The following ADAMTSL3 variants were observed in gnomAD, a reference collection of about 807,000 sequenced individuals.
ADAMTSL3 encodes ADAMTS-like protein 3.
A neutral mutation model predicts 201.7 loss-of-function variants in ADAMTSL3; 128 were observed. The ratio of observed to expected loss-of-function variants is 0.63; its 90% CI spans 0.55 to 0.73. The LOEUF (loss-of-function observed/expected upper bound fraction) is 0.73, where lower values mean the gene tolerates loss of function less well. Ranked by LOEUF, ADAMTSL3 falls within the 30% of genes least tolerant of loss-of-function variation. The probability of loss-of-function intolerance (pLI) is 0.00; values close to 1 mark genes in which losing one functional copy is unlikely to be tolerated. For synonymous variants in ADAMTSL3, 738 were observed against 748.4 expected (o/e 0.99, Z 0.23); for missense variants, 1,990 against 2,119.6 (o/e 0.94, Z 1.20).
chr15:83,876,294 A>G (rs1376344293), intron 9 of ADAMTSL3, among the ~76,000 whole-genome samples: 1 of 152,068 alleles, frequency 6.6e-6, no homozygotes, highest in South Asian at 2.1e-4. Flanking sequence ...TCTAACAACT[A>G]CATTTTTGTT....
At chr15:83,696,572 C>A (rs1308131097) in intron 2 of ADAMTSL3, among the ~76,000 whole-genome samples, 1 of 152,226 alleles carries the variant, frequency 6.6e-6, no homozygotes, top group Non-Finnish European at 1.5e-5. Flanking sequence ...CATCTAGCAT[C>A]TTACCTTCTT....
At chr15:84,033,502 A>G (rs2068445174) in intron 28 of ADAMTSL3, among the ~76,000 whole-genome samples, 1 of 152,116 alleles carries the variant, frequency 6.6e-6, no homozygotes, top group Non-Finnish European at 1.5e-5. Context: ...TCTACTAAAA[A>G]TACAAAATTA....
intron 3 of ADAMTSL3, among the ~76,000 whole-genome samples, chr15:83,771,795 G>A (rs2062988045): frequency 6.6e-6 from 1 of 152,114 alleles, no homozygotes; most frequent in African/African-American, 2.4e-5. Context: ...CCAAGAAGTT[G>A]GATTGCTGGA....
intron 4 of ADAMTSL3, among the ~76,000 whole-genome samples, chr15:83,795,652 G>A (rs996916676): frequency 5.3e-5 from 8 of 152,050 alleles, no homozygotes; most frequent in African/African-American, 1.9e-4. Context: ...TTGGAACAGT[G>A]GACCTGTTCT....
At chr15:83,808,906 CG>C (rs2063646652) in intron 5 of ADAMTSL3, among the ~76,000 whole-genome samples, 1 of 135,664 alleles carries the variant, frequency 7.4e-6, no homozygotes, top group South Asian at 2.7e-4. Context: ...CTCATTCATA[CG>C]TGGAATCCAA....
At chr15:83,891,803 A>G (rs2141890248) in intron 12 of ADAMTSL3, among the ~76,000 whole-genome samples, 1 of 152,342 alleles carries the variant, frequency 6.6e-6, no homozygotes, top group South Asian at 2.1e-4. Flanking sequence ...TAATTGATTT[A>G]ATTTTCACAA....
chr15:83,830,593 G>A (rs1229171685), intron 6 of ADAMTSL3, among the ~76,000 whole-genome samples: 1 of 152,220 alleles, frequency 6.6e-6, no homozygotes, highest in East Asian at 1.9e-4. Flanking sequence ...GTTGGAGTAG[G>A]CACTGGCAGG....
chr15:83,669,616 C>T lies in ADAMTSL3; in HGVS notation c.69+13786C>T, dbSNP rs182917855. Among the ~76,000 whole-genome samples the T allele has an allele frequency of 1.0e-3, 151 of 150,626 alleles. 2 individuals carry two copies. The East Asian group carries it at 0.027, about 27-fold the overall frequency. ...CTGAGTAGCTGGGACTACAGGTGCC[C>T]GCCACCACGCCCGGCTAATTTTTTT... On this transcript the variant is annotated intron_variant, in intron 2 of 29. Coordinates refer to ENST00000286744, the MANE Select transcript of ADAMTSL3 (RefSeq NM_207517.3).
intron 19 of ADAMTSL3, among the ~76,000 whole-genome samples, chr15:83,947,849 A>G (rs1342852708): frequency 6.6e-6 from 1 of 152,086 alleles, no homozygotes; most frequent in Non-Finnish European, 1.5e-5. Context: ...TAACCTTCTA[A>G]CCACGTCTCC....
At chr15:83,846,092 C>T (rs994825928) in intron 7 of ADAMTSL3, among the ~76,000 whole-genome samples, 1 of 152,206 alleles carries the variant, frequency 6.6e-6, no homozygotes, top group Admixed American at 6.5e-5. Flanking sequence ...TAGCCAAGCA[C>T]TGCAACACCC....
intron 2 of ADAMTSL3, among the ~76,000 whole-genome samples, chr15:83,671,222 T>C (rs1306585550): frequency 6.6e-6 from 1 of 152,238 alleles, no homozygotes; most frequent in Non-Finnish European, 1.5e-5. Flanking sequence ...TGGGTCTGTT[T>C]AAATTGCACA....
At chr15:83,771,402 G>A (rs984745921) in intron 3 of ADAMTSL3, among the ~76,000 whole-genome samples, 6 of 152,050 alleles carry the variant, frequency 3.9e-5, no homozygotes, top group African/African-American at 1.2e-4. Context: ...TTTTAATTTT[G>A]CATGGTTGAA....
chr15:84,037,578 C>G, intron 29 of ADAMTSL3, 122 bp from the exon 30 acceptor site: 1 of 1,143,572 alleles, frequency 8.7e-7, no homozygotes, highest in Non-Finnish European at 1.2e-6. Context: ...ATGGCCCTAA[C>G]CCAAAGCTGG....
At chr15:83,717,554 G>GA (rs1159990330) in intron 3 of ADAMTSL3, 1 of 152,210 alleles carries the variant, frequency 6.6e-6, no homozygotes, top group East Asian at 1.9e-4. Context: ...AGGGAAGGGA[G>GA]AAAAGAAGGT....
chr15:83,890,107 A>T lies in ADAMTSL3; in HGVS notation c.1073-2A>T. 6.2e-7 allele frequency: 1 copy of T among 1,611,306 alleles called. No homozygotes were observed. Among genetic ancestry groups the T allele is most frequent in the Non-Finnish European group, 8.5e-7 (1 of 1,178,788 alleles). On this transcript the variant is annotated splice_acceptor_variant, in intron 10 of 29. Transcript: ENST00000286744. LOFTEE classifies it high-confidence loss of function. Reference sequence around the variant, plus strand: ...TCAGACTTGCCTTTTCTAACACTTTAGGTTATCAGCTCAATTCTGCTGAAT... The same window carrying T: ...TCAGACTTGCCTTTTCTAACACTTTTGGTTATCAGCTCAATTCTGCTGAAT...
At chr15:83,867,436 T>A (rs372121731) in intron 8 of ADAMTSL3, among the ~76,000 whole-genome samples, 16 of 152,336 alleles carry the variant, frequency 1.1e-4, no homozygotes, top group African/African-American at 3.8e-4. Context: ...ACAGATTTTA[T>A]TGTAGCAAAA....
chr15:83,910,743 T>G (rs550643656), intron 15 of ADAMTSL3, among the ~76,000 whole-genome samples: 5 of 151,182 alleles, frequency 3.3e-5, no homozygotes, highest in Non-Finnish European at 5.9e-5. Context: ...CAGGCGATTC[T>G]CCTGCCTCAG....
intron 5 of ADAMTSL3, among the ~76,000 whole-genome samples, chr15:83,810,728 C>CA (rs1269928895): frequency 1.3e-5 from 2 of 152,016 alleles, no homozygotes; most frequent in Admixed American, 1.3e-4. Flanking sequence ...TCTGTTTGAA[C>CA]ATTTTTCTTT....
At chr15:84,033,325 CT>C (rs978290897) in intron 28 of ADAMTSL3, among the ~76,000 whole-genome samples, 1 of 152,100 alleles carries the variant, frequency 6.6e-6, no homozygotes, top group Non-Finnish European at 1.5e-5. Context: ...GTTTTACTTG[CT>C]CTTAGGAAGA....
Sources: allele counts gnomAD v4.1 joint callset (sites outside exome capture counted in the v4.1 genomes callset), GRCh38; gene constraint gnomAD v4.1.1; transcripts MANE v1.5; gene names NCBI Gene and HGNC (gene_info 2026-07-23, HGNC 2026-07-21).